CADPS: variants seen among roughly 807,000 people sequenced by gnomAD.
CADPS encodes the protein calcium dependent secretion activator.
In CADPS, 57 loss-of-function variants were observed where a neutral mutation model predicts 167.3. The ratio of observed to expected loss-of-function variants is 0.34; its 90% CI spans 0.28 to 0.42. The LOEUF is 0.42. CADPS is among the 20% of genes least tolerant of loss of function. The pLI is 1.00. For missense variants in CADPS, 1,414 were observed against 1,738.1 expected, an observed-to-expected ratio of 0.81 and a Z score of 3.32; for synonymous variants, 676 against 635.3, an observed-to-expected ratio of 1.06 and a Z score of -0.96.
At chr3:62,427,921 T>C (rs1354783339) in intron 28 of CADPS, among the ~76,000 whole-genome samples, 1 of 152,246 alleles carries the variant, frequency 6.6e-6, no homozygotes, top group African/African-American at 2.4e-5. Flanking sequence ...TATACCTTGG[T>C]TGGCATACAG....
At position 62,867,108 on chromosome 3, in the gene CADPS, A is replaced by G. The variant is rs1303411940; in HGVS notation, c.441+7481T>C. ...AAAGCATTTTATGAGTTCATTTTTA[A>G]TGGTAACAATCAATATGGTAATAGT... On this transcript the variant is annotated intron_variant, in intron 1 of 29. Coordinates refer to ENST00000383710, the MANE Select transcript of CADPS (RefSeq NM_003716.4). 2.6e-5 allele frequency among the ~76,000 whole-genome samples: 4 copies of G among 152,090 alleles called. No individual in the cohort carries two copies. The East Asian group carries it at 7.7e-4, about 29-fold the overall frequency.
At chr3:62,813,703 T>C (rs2094488071) in intron 1 of CADPS, among the ~76,000 whole-genome samples, 1 of 152,102 alleles carries the variant, frequency 6.6e-6, no homozygotes. Context: ...TGTGAACTAC[T>C]CATTTGACAA....
chr3:62,632,531 C>G (rs143403719), intron 6 of CADPS, among the ~76,000 whole-genome samples: 20 of 152,102 alleles, frequency 1.3e-4, no homozygotes, highest in East Asian at 9.7e-4. Context: ...TGGAGTCAAG[C>G]CTGATTTATT....
chr3:62,518,108 T>C, intron 14 of CADPS, 41 bp downstream of exon 14: 1 of 1,378,844 alleles, frequency 7.3e-7, no homozygotes, highest in South Asian at 1.2e-5. Flanking sequence ...CCCTTCCCAC[T>C]CTCATCTCCT....
chr3:62,478,296 C>T lies in CADPS; in HGVS notation c.3294G>A (p.Leu1098=). The change falls in exon 23 of 30, where the codon TTG becomes TTA. Residue 1098 remains leucine, a synonymous_variant. Coordinates refer to ENST00000383710, the MANE Select transcript of CADPS (RefSeq NM_003716.4). The surrounding 1 kb of genome is among the most constrained non-coding windows in gnomAD (Gnocchi z 5.7). ...AAGATTCGATCATGTCACTTGCCAT[C>T]AACTTCAGCCGTTGTTCCAGGTGCT... ...FGKHLEQRLK[L]MASDMIESCV... 6.2e-7 allele frequency: 1 copy of T among 1,613,868 alleles called. No homozygotes were observed. The highest frequency in any genetic ancestry group is 8.5e-7 in the Non-Finnish European group (1 of 1,179,818).
At chr3:62,804,531 C>G (rs76058702) in intron 1 of CADPS, among the ~76,000 whole-genome samples, 2,029 of 152,020 alleles carry the variant, frequency 0.013, 45 homozygotes, top group African/African-American at 0.046. Context: ...GACTCACTAG[C>G]TTTATGAATT....
At chr3:62,639,864 A>G (rs1245484534) in intron 6 of CADPS, among the ~76,000 whole-genome samples, 1 of 152,036 alleles carries the variant, frequency 6.6e-6, no homozygotes, top group Non-Finnish European at 1.5e-5. Context: ...CTGGTCCAGG[A>G]CACATCAAGC....
chr3:62,447,646 G>C (rs956627165), intron 26 of CADPS, among the ~76,000 whole-genome samples: 10 of 152,138 alleles, frequency 6.6e-5, no homozygotes, highest in Admixed American at 4.6e-4. Context: ...GCAGAGGCAA[G>C]ATTGCATCAA....
intron 3 of CADPS, among the ~76,000 whole-genome samples, chr3:62,698,730 C>CTTTT (rs2080831957): frequency 3.0e-5 from 3 of 100,468 alleles, no homozygotes; most frequent in Non-Finnish European, 3.8e-5. Flanking sequence ...CTCCCCACTT[C>CTTTT]CTTTTTTTTT....
At chr3:62,470,062 A>C (rs985561966) in intron 24 of CADPS, among the ~76,000 whole-genome samples, 2 of 152,232 alleles carry the variant, frequency 1.3e-5, no homozygotes, top group African/African-American at 4.8e-5. Context: ...AGATGAAAAC[A>C]CACTAGACCA....
intron 3 of CADPS, among the ~76,000 whole-genome samples, chr3:62,694,387 T>G (rs543485715): frequency 6.6e-6 from 1 of 152,134 alleles, no homozygotes; most frequent in South Asian, 2.1e-4. Context: ...TCAATGTTGT[T>G]TACTTTAAAC....
chr3:62,591,134 A>G (rs2085914216), intron 7 of CADPS, among the ~76,000 whole-genome samples: 1 of 152,196 alleles, frequency 6.6e-6, no homozygotes, highest in East Asian at 1.9e-4. Flanking sequence ...CTGGGGTTAC[A>G]GGCGTGAGCC....
At chr3:62,793,990 A>G (rs922711606) in intron 1 of CADPS, among the ~76,000 whole-genome samples, 8 of 152,176 alleles carry the variant, frequency 5.3e-5, no homozygotes, top group African/African-American at 1.9e-4. Flanking sequence ...TTCCAACTCA[A>G]TTATCCCTCA....
intron 8 of CADPS, among the ~76,000 whole-genome samples, chr3:62,583,570 A>G (rs1484894758): frequency 6.6e-6 from 1 of 152,174 alleles, no homozygotes; most frequent in Non-Finnish European, 1.5e-5. Flanking sequence ...CACCCCAGGC[A>G]GAAGAGCTTT....
intron 3 of CADPS, among the ~76,000 whole-genome samples, chr3:62,731,893 G>A (rs1221008992): frequency 2.0e-5 from 3 of 150,332 alleles, no homozygotes; most frequent in Non-Finnish European, 3.0e-5. Flanking sequence ...ACAAAAGGGC[G>A]CTGGGCTAAA....
In CADPS at chr3:62,698,689, C is replaced by A. The variant is rs951319412; in HGVS notation, c.889-36295G>T. 2.7e-5 allele frequency among the ~76,000 whole-genome samples: 4 copies of A among 148,722 alleles called. No homozygotes were observed. The East Asian group carries it at 8.0e-4, about 30-fold the overall frequency. On this transcript the variant is annotated intron_variant, in intron 3 of 29. Coordinates refer to ENST00000383710, the MANE Select transcript of CADPS (RefSeq NM_003716.4). ...TTTCCTCCTCCTCCTTCTCCTTCACCTTCTTCTCCTTCTTCCTCTCCTTTC... is the reference window on the plus strand; with the variant it reads ...TTTCCTCCTCCTCCTTCTCCTTCACATTCTTCTCCTTCTTCCTCTCCTTTC...
intron 3 of CADPS, among the ~76,000 whole-genome samples, chr3:62,670,254 A>G (rs1483330317): frequency 1.3e-5 from 2 of 152,124 alleles, no homozygotes; most frequent in Non-Finnish European, 2.9e-5. Flanking sequence ...AGAGACTCTG[A>G]TGAAATCTGC....
chr3:62,642,110 GAA>G (rs34341701), intron 6 of CADPS, among the ~76,000 whole-genome samples: 4 of 145,700 alleles, frequency 2.7e-5, no homozygotes, highest in African/African-American at 5.0e-5. Context: ...GGCTATACTT[GAA>G]AAAAAAAAAA....
chr3:62,564,589 T>C (rs919624036), intron 9 of CADPS, among the ~76,000 whole-genome samples: 8 of 148,148 alleles, frequency 5.4e-5, no homozygotes, highest in Non-Finnish European at 1.2e-4. Context: ...ATCAAAAAAG[T>C]AGATTTTAAC....
Sources: allele counts gnomAD v4.1 joint callset (sites outside exome capture counted in the v4.1 genomes callset), GRCh38; gene constraint gnomAD v4.1.1; non-coding constraint Gnocchi (gnomAD v3.1); transcripts MANE v1.5; gene names NCBI Gene and HGNC (gene_info 2026-07-23, HGNC 2026-07-21).